Variants in SIPA1L1 observed in about 807,000 individuals in gnomAD.
The protein encoded by SIPA1L1 is signal-induced proliferation-associated 1-like protein 1.
Under a neutral mutation model 162.7 loss-of-function variants are expected in SIPA1L1, and 26 were observed. The ratio of observed to expected loss-of-function variants is 0.16; its 90% CI spans 0.12 to 0.22. The LOEUF (loss-of-function observed/expected upper bound fraction) is 0.22, where lower values mean the gene tolerates loss of function less well. SIPA1L1 is among the 10% of genes least tolerant of loss of function. The pLI is 1.00. For synonymous variants in SIPA1L1, 829 were observed against 837.4 expected (o/e 0.99, Z 0.17); for missense variants, 1,874 against 2,241.0 (o/e 0.84, Z 3.31).
chr14:71,690,397 C>T (rs1340343296), intron 13 of SIPA1L1, among the ~76,000 whole-genome samples: 3 of 152,088 alleles, frequency 2.0e-5, no homozygotes, highest in Non-Finnish European at 4.4e-5. Flanking sequence ...CGCCACACCA[C>T]ACCCAGCTTA....
intron 12 of SIPA1L1, among the ~76,000 whole-genome samples, chr14:71,679,793 A>G (rs1407684123): frequency 1.3e-5 from 2 of 152,192 alleles, no homozygotes; most frequent in Non-Finnish European, 1.5e-5. Context: ...CTAGTCTCTG[A>G]TAAAACAGAC....
chr14:71,600,695 A>G (rs1470533889), intron 5 of SIPA1L1, among the ~76,000 whole-genome samples: 1 of 152,194 alleles, frequency 6.6e-6, no homozygotes, highest in Non-Finnish European at 1.5e-5. Flanking sequence ...TTTTAATGAT[A>G]ATAATTCTTC....
At chr14:71,689,400 C>T (rs947145570) in intron 13 of SIPA1L1, among the ~76,000 whole-genome samples, 12 of 152,158 alleles carry the variant, frequency 7.9e-5, no homozygotes, top group African/African-American at 2.7e-4. Flanking sequence ...AATTAACATT[C>T]GTTCAACAGA....
chr14:71,383,471 G>A (rs970232468), intron 2 of SIPA1L1, among the ~76,000 whole-genome samples: 17 of 152,262 alleles, frequency 1.1e-4, no homozygotes, highest in African/African-American at 2.9e-4. Flanking sequence ...TATACCATGC[G>A]TTACTGCCTT....
chr14:71,381,929 G>T (rs1451502216), intron 2 of SIPA1L1, among the ~76,000 whole-genome samples: 1 of 152,164 alleles, frequency 6.6e-6, no homozygotes, highest in African/African-American at 2.4e-5. Flanking sequence ...AGATGGGGTA[G>T]TACTGTCTGA....
intron 2 of SIPA1L1, among the ~76,000 whole-genome samples, chr14:71,415,667 G>A (rs1282855055): frequency 6.6e-6 from 1 of 151,378 alleles, no homozygotes; most frequent in Non-Finnish European, 1.5e-5. Context: ...TTATTGAAAT[G>A]TGCACCTTCA....
chr14:71,334,772 T>G (rs1433133973), intron 2 of SIPA1L1, among the ~76,000 whole-genome samples: 1 of 152,200 alleles, frequency 6.6e-6, no homozygotes, highest in Non-Finnish European at 1.5e-5. Context: ...ATATTCTAGT[T>G]TTTTTGACTG....
intron 4 of SIPA1L1, among the ~76,000 whole-genome samples, chr14:71,582,506 G>T (rs2034072045): frequency 6.6e-6 from 1 of 152,066 alleles, no homozygotes; most frequent in South Asian, 2.1e-4. Context: ...TTTCTTCACT[G>T]AACTTTTTTA....
intron 4 of SIPA1L1, among the ~76,000 whole-genome samples, chr14:71,542,659 C>T (rs1391224346): frequency 2.9e-5 from 3 of 103,920 alleles, no homozygotes; most frequent in African/African-American, 1.0e-4. Flanking sequence ...TTCCCCTCCT[C>T]CTCCTCCCTC....
chr14:71,417,521 G>GA (rs1238690530), intron 2 of SIPA1L1, among the ~76,000 whole-genome samples: 1 of 82,306 alleles, frequency 1.2e-5, no homozygotes. Context: ...CTAAAGAAGA[G>GA]AAAATATATT....
chr14:71,437,875 A>T (rs570371349), intron 2 of SIPA1L1, among the ~76,000 whole-genome samples: 23 of 152,342 alleles, frequency 1.5e-4, no homozygotes, highest in African/African-American at 3.8e-4. Flanking sequence ...GGGATCCTCA[A>T]TAGGAAGTAA....
chr14:71,600,763 G>T (rs539168379), intron 5 of SIPA1L1, among the ~76,000 whole-genome samples: 1 of 152,124 alleles, frequency 6.6e-6, no homozygotes, highest in Non-Finnish European at 1.5e-5. Context: ...ACAGTGTTTC[G>T]TAGTTTTCCT....
intron 2 of SIPA1L1, among the ~76,000 whole-genome samples, chr14:71,499,297 C>T (rs1387080887): frequency 1.3e-5 from 2 of 152,082 alleles, no homozygotes; most frequent in African/African-American, 4.8e-5. Context: ...GGGCTATGAT[C>T]GTGTCACTGC....
chr14:71,563,371 G>T (rs1188018954), intron 4 of SIPA1L1, among the ~76,000 whole-genome samples: 2 of 145,844 alleles, frequency 1.4e-5, no homozygotes, highest in African/African-American at 2.5e-5. Context: ...GTCTTCTTTT[G>T]GTTTGTACAT....
intron 4 of SIPA1L1, among the ~76,000 whole-genome samples, chr14:71,549,933 A>G (rs902679912): frequency 1.3e-5 from 2 of 152,170 alleles, no homozygotes; most frequent in Non-Finnish European, 2.9e-5. Flanking sequence ...GGCTGTAGCA[A>G]TAGTGGGATT....
At chr14:71,722,440 C>A (rs2083830076) in intron 17 of SIPA1L1, among the ~76,000 whole-genome samples, 1 of 152,178 alleles carries the variant, frequency 6.6e-6, no homozygotes, top group Non-Finnish European at 1.5e-5. Context: ...CGCTTTGGGA[C>A]CACATACTGT....
intron 17 of SIPA1L1, among the ~76,000 whole-genome samples, chr14:71,718,129 A>G (rs2083410226): frequency 6.6e-6 from 1 of 152,228 alleles, no homozygotes; most frequent in South Asian, 2.1e-4. Context: ...TCTTCCAGGC[A>G]TCATTCCTCC....
At chr14:71,546,450 C>T (rs2146054452) in intron 4 of SIPA1L1, among the ~76,000 whole-genome samples, 1 of 143,674 alleles carries the variant, frequency 7.0e-6, no homozygotes, top group East Asian at 2.2e-4. Flanking sequence ...GGCACAATCT[C>T]AGCTCACTGC....
intron 12 of SIPA1L1, among the ~76,000 whole-genome samples, chr14:71,685,112 G>GT (rs2046174646): frequency 6.6e-6 from 1 of 152,122 alleles, no homozygotes; most frequent in African/African-American, 2.4e-5. Flanking sequence ...GGGTCCCATT[G>GT]TTTTTTAAAG....
Sources: gnomAD v4.1 joint callset for allele counts (sites outside exome capture counted in the v4.1 genomes callset) on GRCh38, gnomAD v4.1.1 for gene constraint, MANE v1.5 for transcripts, NCBI Gene and HGNC (gene_info 2026-07-23, HGNC 2026-07-21) for gene names.